The following ALG12 variants were observed in gnomAD, a reference collection of about 807,000 sequenced individuals.
ALG12 encodes dol-P-Man:Man(7)GlcNAc(2)-PP-Dol alpha-1,6-mannosyltransferase.
ALG12 carries 36 observed loss-of-function variants against 46.0 expected under a neutral mutation model. The observed-to-expected ratio is 0.78, with a 90% CI of 0.60 to 1.03. The LOEUF (loss-of-function observed/expected upper bound fraction) is 1.03. Among genes scored for constraint, ALG12 ranks in the 50% least tolerant of loss-of-function variants. The pLI is 0.00. For missense variants in ALG12, 599 were observed against 633.5 expected (o/e 0.95, Z 0.58); for synonymous variants, 326 against 291.6 (o/e 1.12, Z -1.20).
At chr22:49,878,704 A>T in the ALG12 span, among the ~76,000 whole-genome samples, 1 of 152,236 alleles carries the variant, frequency 6.6e-6, no homozygotes, top group African/African-American at 2.4e-5. Context: ...AGTGAAGTGG[A>T]CTTCATCAAA....
intron 6 of ALG12, among the ~76,000 whole-genome samples, chr22:49,908,396 C>T (rs1178885028): frequency 7.1e-6 from 1 of 141,440 alleles, no homozygotes; most frequent in African/African-American, 2.6e-5. Context: ...GGCATGGTGG[C>T]ATGTGCCTGT....
chr22:49,914,797 G>C (rs12166766), intron 1 of ALG12, among the ~76,000 whole-genome samples: 1 of 152,120 alleles, frequency 6.6e-6, no homozygotes, highest in African/African-American at 2.4e-5. Context: ...GTGCAGTGGA[G>C]TGATCATGGC....
Position 49,903,717 on chromosome 22 carries a change from G to A in ALG12, c.*121C>T. ...CCTGGTCTGGTGTCTGTCAGAGGCA[G>A]GTGCCCAGTCCTTTGACTTGCTTCT... is the stretch of plus-strand genomic sequence containing the variant. On this transcript the variant is annotated 3_prime_UTR_variant, in exon 10 of 10. Coordinates refer to ENST00000330817, the MANE Select transcript of ALG12 (RefSeq NM_024105.4). 3 of 1,152,724 alleles carry A rather than the reference G, an allele frequency of 2.6e-6. No homozygotes were observed. The highest frequency in any genetic ancestry group is 3.8e-6 in the Non-Finnish European group (3 of 787,250). The allele number at this position is 1,152,724 out of a possible 1,614,324, so 71.4% of individuals were successfully genotyped here.
Position 49,913,831 on chromosome 22 carries a change from C to T in ALG12, c.-66G>A. The T allele has an allele frequency of 1.9e-6, 3 of 1,591,712 alleles. No individual in the cohort carries two copies. The highest frequency in any genetic ancestry group is 2.6e-6 in the Non-Finnish European group (3 of 1,165,462). On this transcript the variant is annotated 5_prime_UTR_variant, in exon 2 of 10. Coordinates refer to ENST00000330817, the MANE Select transcript of ALG12 (RefSeq NM_024105.4). ...GCGAGACACCAGCCGTTAGCACTGC[C>T]ACTCCACGCATGCTGGAAAAGTGGA...
the ALG12 span, among the ~76,000 whole-genome samples, chr22:49,890,299 CCT>C: frequency 6.6e-6 from 1 of 152,090 alleles, no homozygotes; most frequent in Admixed American, 6.6e-5. Flanking sequence ...AGAGCAAGAT[CCT>C]CTCTCTTAAA....
chr22:49,910,217 G>T, intron 4 of ALG12, 129 bp from the exon 5 acceptor site: 1 of 1,206,778 alleles, frequency 8.3e-7, no homozygotes, highest in South Asian at 1.4e-5. Flanking sequence ...AAAAGAAACT[G>T]CTCAGAGCCG....
downstream of ALG12, among the ~76,000 whole-genome samples, chr22:49,895,276 T>C (rs573626535): frequency 6.6e-6 from 1 of 152,354 alleles, no homozygotes; most frequent in East Asian, 1.9e-4. Context: ...ACTCGCTTCA[T>C]TCTAGTCGTT....
the ALG12 span, among the ~76,000 whole-genome samples, chr22:49,870,355 C>T: frequency 1.3e-5 from 2 of 152,208 alleles, no homozygotes; most frequent in Non-Finnish European, 2.9e-5. Flanking sequence ...AGTGGCATCA[C>T]TGGGTCCAAT....
intron 1 of ALG12, among the ~76,000 whole-genome samples, chr22:49,915,365 T>C (rs1373222470): frequency 6.6e-6 from 1 of 152,058 alleles, no homozygotes; most frequent in African/African-American, 2.4e-5. Flanking sequence ...AAGACCATCC[T>C]GGCCAACATG....
the ALG12 span, among the ~76,000 whole-genome samples, chr22:49,874,751 C>G: frequency 7.5e-6 from 1 of 132,556 alleles, no homozygotes; most frequent in African/African-American, 2.9e-5. Context: ...TCGATCTCAG[C>G]TCACTGCACC....
chr22:49,913,269 G>A, intron 3 of ALG12, 116 bp downstream of exon 3: 1 of 1,511,706 alleles, frequency 6.6e-7, no homozygotes, highest in Non-Finnish European at 9.1e-7. Context: ...CGGTGATCGA[G>A]GGCAGGCAAG....
chr22:49,886,102 G>A, the ALG12 span: 139 of 680,362 alleles, frequency 2.0e-4, no homozygotes, highest in Non-Finnish European at 3.4e-4. This position sits in a 1 kb window ranked among gnomAD's most constrained non-coding sequence, Gnocchi z 7.7. Context: ...CGCCAGCATC[G>A]GGAAGACGCT....
chr22:49,897,813 G>A (rs187749647), downstream of ALG12, among the ~76,000 whole-genome samples: 171 of 147,388 alleles, frequency 1.2e-3, no homozygotes, highest in Non-Finnish European at 2.2e-3. Flanking sequence ...CCACCACCAC[G>A]CCCGGATAAT....
chr22:49,909,149 A>G, intron 6 of ALG12, 95 bp downstream of exon 6: 1 of 1,286,362 alleles, frequency 7.8e-7, no homozygotes, highest in Non-Finnish European at 1.1e-6. Flanking sequence ...CGCTGCAGAG[A>G]AGGGAGAAGC....
At chr22:49,872,215 C>A in the ALG12 span, among the ~76,000 whole-genome samples, 21 of 152,174 alleles carry the variant, frequency 1.4e-4, no homozygotes, top group African/African-American at 4.3e-4. Flanking sequence ...ATTCCAAAAT[C>A]TTTATTGTCA....
chr22:49,917,004 AGG>A (rs1342137515), intron 1 of ALG12, among the ~76,000 whole-genome samples: 3 of 152,202 alleles, frequency 2.0e-5, no homozygotes, highest in Admixed American at 6.5e-5. Flanking sequence ...GGACCCAACA[AGG>A]TGTGCCTTCT....
At chr22:49,866,773 C>CT in the ALG12 span, among the ~76,000 whole-genome samples, 2 of 152,140 alleles carry the variant, frequency 1.3e-5, no homozygotes, top group African/African-American at 4.8e-5. Context: ...TCTAGTGCTG[C>CT]TTTAACAAAT....
In ALG12 at chr22:49,902,260, GGT is replaced by G. The variant is rs1240856442; in HGVS notation, c.*1576_*1577del. 3.2e-5 allele frequency: 4 copies of G among 123,920 alleles called. No individual in the cohort carries two copies. Among genetic ancestry groups the G allele is most frequent in the Non-Finnish European group, 6.2e-5 (4 of 64,502 alleles). 7.7% of individuals were successfully genotyped at this position (123,920 alleles called of 1,614,324 possible). A position where few individuals can be genotyped will look rare whatever the true frequency, so the allele number is the denominator to read the frequency against. On this transcript the variant is annotated 3_prime_UTR_variant, in exon 10 of 10. Coordinates refer to ENST00000330817, the MANE Select transcript of ALG12 (RefSeq NM_024105.4). ...GTGCACGTGTGCACTGTGTATGCAT[GGT>G]GTGTGCATGTGTGCACTGTATGCAT...
the ALG12 span, chr22:49,884,244 G>A: frequency 2.6e-5 from 41 of 1,602,040 alleles, no homozygotes; most frequent in African/African-American, 3.7e-4. Flanking sequence ...CACAGCCTGC[G>A]GACGCGGGTG....
Sources: allele counts gnomAD v4.1 joint callset (sites outside exome capture counted in the v4.1 genomes callset), GRCh38; gene constraint gnomAD v4.1.1; non-coding constraint Gnocchi (gnomAD v3.1); transcripts MANE v1.5; gene names NCBI Gene and HGNC (gene_info 2026-07-23, HGNC 2026-07-21).